The following MGAT4D variants were observed in gnomAD, a reference collection of about 807,000 sequenced individuals.
MGAT4D encodes alpha-1,3-mannosyl-glycoprotein 4-beta-N-acetylglucosaminyltransferase-like protein MGAT4D.
MGAT4D carries 34 observed loss-of-function variants against 15.9 expected under a neutral mutation model. The ratio of observed to expected loss-of-function variants is 2.14; its 90% confidence interval spans 1.62 to 2.84. MGAT4D has a LOEUF of 2.84. Among genes scored for constraint, MGAT4D ranks in the 30% most tolerant of loss-of-function variants. MGAT4D has a pLI of 0.00. For synonymous variants in MGAT4D, 112 were observed against 48.2 expected (o/e 2.33, Z -5.49); for missense variants, 327 against 140.2 (o/e 2.33, Z -6.73).
chr4:140,472,489 A>C (rs983208053), intron 4 of MGAT4D, among the ~76,000 whole-genome samples: 5 of 151,668 alleles, frequency 3.3e-5, no homozygotes. Context: ...GAACAATCAC[A>C]GTTCTGTTGT....
At chr4:140,462,851 T>C (rs888430903) in intron 6 of MGAT4D, among the ~76,000 whole-genome samples, 6 of 152,164 alleles carry the variant, frequency 3.9e-5, no homozygotes, top group African/African-American at 1.4e-4. Flanking sequence ...CAGCTCCTGC[T>C]TGGCCAGGCA....
intron 9 of MGAT4D, among the ~76,000 whole-genome samples, chr4:140,453,317 TTG>T (rs1174827762): frequency 6.6e-6 from 1 of 152,100 alleles, no homozygotes; most frequent in Admixed American, 6.6e-5. Flanking sequence ...TTGATTAGAA[TTG>T]TGTTACATCC....
chr4:140,481,218 T>C (rs1383993288), intron 2 of MGAT4D, among the ~76,000 whole-genome samples: 1 of 151,884 alleles, frequency 6.6e-6, no homozygotes, highest in East Asian at 1.9e-4. Context: ...GATAGGAGGA[T>C]TGCTTGGGCC....
intron 9 of MGAT4D, 82 bp downstream of exon 9, chr4:140,456,507 T>G: frequency 4.3e-6 from 2 of 466,984 alleles, no homozygotes; most frequent in Non-Finnish European, 7.6e-6. Context: ...CAGATTTGGT[T>G]TGGTAAACAA....
intron 1 of MGAT4D, among the ~76,000 whole-genome samples, chr4:140,488,682 G>C (rs889265438): frequency 6.6e-6 from 1 of 152,160 alleles, no homozygotes; most frequent in Admixed American, 6.5e-5. Context: ...AGTGTGAAAT[G>C]GTATGGTATG....
At chr4:140,446,126 T>C (rs113303291) in intron 10 of MGAT4D, among the ~76,000 whole-genome samples, 1 of 16,012 alleles carries the variant, frequency 6.2e-5, no homozygotes, top group Non-Finnish European at 3.5e-4. Flanking sequence ...GCCTGAAGTT[T>C]TTTTGTTGTT....
chr4:140,476,331 G>A (rs1732330275), intron 3 of MGAT4D, among the ~76,000 whole-genome samples: 1 of 152,068 alleles, frequency 6.6e-6, no homozygotes, highest in South Asian at 2.1e-4. Flanking sequence ...ATTCTTAATT[G>A]TAATGTAGTG....
intron 9 of MGAT4D, among the ~76,000 whole-genome samples, chr4:140,454,706 C>A (rs1275969315): frequency 2.0e-5 from 3 of 152,020 alleles, no homozygotes; most frequent in Non-Finnish European, 4.4e-5. Context: ...TAGAATGCAC[C>A]TTTAAACCCT....
intron 2 of MGAT4D, among the ~76,000 whole-genome samples, 165 bp from the exon 3 acceptor site, chr4:140,479,792 T>C (rs1727656006): frequency 6.6e-6 from 1 of 152,034 alleles, no homozygotes; most frequent in Non-Finnish European, 1.5e-5. Flanking sequence ...ATGCTAAATA[T>C]AGCTCAACTA....
intron 3 of MGAT4D, among the ~76,000 whole-genome samples, chr4:140,475,260 T>C (rs942003844): frequency 3.3e-5 from 5 of 152,184 alleles, no homozygotes; most frequent in African/African-American, 9.6e-5. Context: ...TAACTGAGTA[T>C]AAAATGTCAC....
chr4:140,475,660 CAA>C (rs1162390812), intron 3 of MGAT4D, among the ~76,000 whole-genome samples: 14 of 52,848 alleles, frequency 2.6e-4, no homozygotes, highest in Admixed American at 4.2e-4. Context: ...AATAAAACTG[CAA>C]AAAAAAAAAA....
At chr4:140,492,337 T>A (rs1337036639) in intron 1 of MGAT4D, among the ~76,000 whole-genome samples, 1 of 152,106 alleles carries the variant, frequency 6.6e-6, no homozygotes, top group Non-Finnish European at 1.5e-5. Context: ...CACCTCAGAT[T>A]ATAGATAAAC....
At chr4:140,495,111 C>G (rs992350493) in intron 1 of MGAT4D, among the ~76,000 whole-genome samples, 4 of 152,186 alleles carry the variant, frequency 2.6e-5, no homozygotes, top group South Asian at 2.1e-4. Flanking sequence ...CACTCTCCCC[C>G]CTGTTCACAT....
At chr4:140,493,287 CTTTTTTTTT>C (rs551838799) in intron 1 of MGAT4D, among the ~76,000 whole-genome samples, 2 of 112,520 alleles carry the variant, frequency 1.8e-5, no homozygotes, top group African/African-American at 6.7e-5. Context: ...TGTTCCTTTA[CTTTTTTTTT>C]TTTTTTTTTT....
intron 4 of MGAT4D, among the ~76,000 whole-genome samples, chr4:140,473,113 T>C (rs150607989): frequency 1.3e-5 from 2 of 152,244 alleles, no homozygotes; most frequent in East Asian, 1.9e-4. Flanking sequence ...TTTTTCTTCA[T>C]ATATTTCATT....
chr4:140,494,744 T>G (rs1216972692), intron 1 of MGAT4D, among the ~76,000 whole-genome samples: 1 of 152,180 alleles, frequency 6.6e-6, no homozygotes, highest in African/African-American at 2.4e-5. Context: ...CAGGAGACAT[T>G]TGCCAATGCC....
At chr4:140,490,267 A>C (rs1325803911) in intron 1 of MGAT4D, among the ~76,000 whole-genome samples, 1 of 152,186 alleles carries the variant, frequency 6.6e-6, no homozygotes, top group East Asian at 1.9e-4. Context: ...ACTTTGTTGA[A>C]AGGTGTCCAG....
chr4:140,469,494 C>T (rs1024432150), intron 5 of MGAT4D, among the ~76,000 whole-genome samples: 1 of 152,114 alleles, frequency 6.6e-6, no homozygotes, highest in Admixed American at 6.5e-5. Flanking sequence ...GGGGAGTAGG[C>T]GCTCAAACAA....
chr4:140,493,066 T>C (rs16998465), intron 1 of MGAT4D, among the ~76,000 whole-genome samples: 26,868 of 152,122 alleles, frequency 0.18, 2,894 homozygotes, highest in East Asian at 0.41. Flanking sequence ...TTATTCCCAC[T>C]ATACAAATTC....
Sources: gnomAD v4.1 joint callset for allele counts (sites outside exome capture counted in the v4.1 genomes callset) on GRCh38, gnomAD v4.1.1 for gene constraint, MANE v1.5 for transcripts, NCBI Gene and HGNC (gene_info 2026-07-23, HGNC 2026-07-21) for gene names.